SORCS1: variants seen among roughly 807,000 people sequenced by gnomAD.
The protein encoded by SORCS1 is sortilin related VPS10 domain containing receptor 1.
SORCS1 carries 60 observed loss-of-function variants against 146.1 expected under a neutral mutation model. The observed-to-expected ratio is 0.41, with a 90% confidence interval of 0.33 to 0.51. The LOEUF is 0.51. Among genes scored for constraint, SORCS1 ranks in the 20% least tolerant of loss-of-function variants. The probability of loss-of-function intolerance (pLI) is 0.21; values close to 1 mark genes in which losing one functional copy is unlikely to be tolerated. For synonymous variants in SORCS1, 637 were observed against 584.0 expected, an observed-to-expected ratio of 1.09 and a Z score of -1.31; for missense variants, 1,352 against 1,487.6, an observed-to-expected ratio of 0.91 and a Z score of 1.50.
At chr10:106,952,389 A>G (rs1954727179) in intron 2 of SORCS1, among the ~76,000 whole-genome samples, 1 of 151,734 alleles carries the variant, frequency 6.6e-6, no homozygotes, top group Admixed American at 6.6e-5. Flanking sequence ...TCAGAACCAT[A>G]AGGCTTTCTC....
chr10:107,173,058 C>A, the SORCS1 span, among the ~76,000 whole-genome samples: 7 of 152,238 alleles, frequency 4.6e-5, no homozygotes, highest in East Asian at 1.3e-3. Flanking sequence ...AGATAGAAAT[C>A]TTTCTCAGCA....
In SORCS1 at chr10:106,874,921, G is replaced by T. The variant is rs117754664; in HGVS notation, c.627-45248C>A. Among the ~76,000 whole-genome samples, 43 of 152,210 alleles carry T rather than the reference G, an allele frequency of 2.8e-4. No individual in the cohort carries two copies. The East Asian group carries it at 8.1e-3, about 29-fold the overall frequency. On this transcript the variant is annotated intron_variant, in intron 2 of 25. Transcript: ENST00000263054. Reference sequence around the variant, plus strand: ...CATATCATGAACTGACAACATTTTTGTGTTTTTTCTGCTTGTTTTGCTTTG... The same window carrying T: ...CATATCATGAACTGACAACATTTTTTTGTTTTTTCTGCTTGTTTTGCTTTG...
chr10:106,811,186 C>G (rs946589902), intron 3 of SORCS1, among the ~76,000 whole-genome samples: 4 of 152,132 alleles, frequency 2.6e-5, no homozygotes, highest in African/African-American at 9.7e-5. Context: ...GATCCACCCA[C>G]CTCGGCCTCC....
chr10:106,805,729 T>A (rs1005093351), intron 3 of SORCS1, among the ~76,000 whole-genome samples: 3 of 152,040 alleles, frequency 2.0e-5, no homozygotes, highest in African/African-American at 7.2e-5. Flanking sequence ...TCTGGATATA[T>A]ACATATAAAT....
chr10:107,017,691 T>C (rs1386879012), intron 1 of SORCS1, among the ~76,000 whole-genome samples: 1 of 152,244 alleles, frequency 6.6e-6, no homozygotes, highest in African/African-American at 2.4e-5. Flanking sequence ...CGTCTCACTC[T>C]GTCACCCAGG....
intron 1 of SORCS1, among the ~76,000 whole-genome samples, chr10:107,151,973 C>G (rs1968836397): frequency 6.6e-6 from 1 of 152,142 alleles, no homozygotes; most frequent in African/African-American, 2.4e-5. Context: ...GCCCTTCCAT[C>G]ACAGACCCAG....
chr10:106,726,795 G>A (rs903208811), intron 6 of SORCS1, among the ~76,000 whole-genome samples: 3 of 152,144 alleles, frequency 2.0e-5, no homozygotes, highest in Non-Finnish European at 4.4e-5. Context: ...TGTTAGAAAT[G>A]CAGACTCTCG....
chr10:106,817,246 G>C (rs1162998756), intron 3 of SORCS1, among the ~76,000 whole-genome samples: 2 of 152,154 alleles, frequency 1.3e-5, no homozygotes, highest in Non-Finnish European at 2.9e-5. Flanking sequence ...TTTGAGTCAA[G>C]TTGGATGGGT....
the SORCS1 span, among the ~76,000 whole-genome samples, chr10:107,174,291 C>T: frequency 6.6e-6 from 1 of 152,104 alleles, no homozygotes; most frequent in African/African-American, 2.4e-5. Context: ...CTGCAAGCTT[C>T]GCCTCCCGGG....
rs138867207 is a variant in SORCS1 at position 107,115,665 on chromosome 10, A to T, written c.558+48304T>A. On this transcript the variant is annotated intron_variant, in intron 1 of 25. Coordinates refer to ENST00000263054, the MANE Select transcript of SORCS1 (RefSeq NM_052918.5). The stretch of plus-strand genomic sequence containing the variant: ...AACTCATAGAAGAAAACATAGTTTA[A>T]AAGCTCCCTGACATTGGCTTTGGCA... 2.0e-5 allele frequency among the ~76,000 whole-genome samples: 3 copies of T among 152,260 alleles called. No individual in the cohort carries two copies. The East Asian group carries it at 5.8e-4, about 29-fold the overall frequency.
chr10:106,880,349 T>C (rs1483285249), intron 2 of SORCS1, among the ~76,000 whole-genome samples: 1 of 152,246 alleles, frequency 6.6e-6, no homozygotes, highest in Non-Finnish European at 1.5e-5. Context: ...TCATCTTTTT[T>C]GTGTTAAAAG....
intron 19 of SORCS1, among the ~76,000 whole-genome samples, chr10:106,625,696 A>G (rs1848062045): frequency 6.6e-6 from 1 of 152,224 alleles, no homozygotes; most frequent in Non-Finnish European, 1.5e-5. Flanking sequence ...TCATCTGCAC[A>G]TGGCTCCTAT....
chr10:106,665,627 T>C (rs1009233974), intron 17 of SORCS1, among the ~76,000 whole-genome samples: 1 of 152,154 alleles, frequency 6.6e-6, no homozygotes, highest in Non-Finnish European at 1.5e-5. Flanking sequence ...TCAATACTTA[T>C]CTGCTTTTTA....
chr10:106,760,544 G>A (rs997796290), intron 5 of SORCS1, among the ~76,000 whole-genome samples: 8 of 151,668 alleles, frequency 5.3e-5, no homozygotes, highest in Admixed American at 5.3e-4. Flanking sequence ...GCCAGAAAGG[G>A]AGTCGTTAGC....
chr10:106,578,762 G>T (rs1410283256), intron 25 of SORCS1: 2 of 1,132,850 alleles, frequency 1.8e-6, no homozygotes, highest in Non-Finnish European at 2.2e-6. Flanking sequence ...AGCCTCTGAG[G>T]CCTCTCCTTC....
Position 107,164,380 on chromosome 10 carries a change from C to T in SORCS1, c.147G>A (p.Ser49=). 1 of 1,465,020 alleles carries T rather than the reference C, an allele frequency of 6.8e-7. No homozygotes were observed. The highest frequency in any genetic ancestry group is 9.0e-7 in the Non-Finnish European group (1 of 1,112,356). The allele number at this position is 1,465,020 out of a possible 1,614,324, so 90.8% of individuals were successfully genotyped here. ...GGGAAAAGCCCCTAGGGGTCGAGGC[C>T]GAGCGTGGAGCGGAGCTGGGGTGCG... ...PSPHPSSAPR[S]ASTPRGFSHQ... Residue 49 remains serine, a synonymous_variant, in exon 1 of 26, where the codon TCG becomes TCA. Coordinates refer to ENST00000263054, the MANE Select transcript of SORCS1 (RefSeq NM_052918.5). The surrounding 1 kb of genome is among the most constrained non-coding windows in gnomAD (Gnocchi z 6.8).
chr10:106,598,336 A>AC (rs1846034532), intron 23 of SORCS1, among the ~76,000 whole-genome samples: 1 of 151,284 alleles, frequency 6.6e-6, no homozygotes, highest in African/African-American at 2.4e-5. Context: ...ATCTCAGCTC[A>AC]CCGCAACCTC....
chr10:107,058,228 A>T (rs944552832), intron 1 of SORCS1, among the ~76,000 whole-genome samples: 1 of 151,758 alleles, frequency 6.6e-6, no homozygotes, highest in Non-Finnish European at 1.5e-5. Flanking sequence ...TTTTTAGTAG[A>T]GATGGGGTTT....
At chr10:107,104,368 T>C (rs188190081) in intron 1 of SORCS1, among the ~76,000 whole-genome samples, 9 of 152,306 alleles carry the variant, frequency 5.9e-5, no homozygotes, top group Admixed American at 5.9e-4. Context: ...AAAAGAAGTC[T>C]GGAAATTGAA....
Sources: gnomAD v4.1 joint callset for allele counts (sites outside exome capture counted in the v4.1 genomes callset) on GRCh38, gnomAD v4.1.1 for gene constraint, Gnocchi (gnomAD v3.1) non-coding constraint, MANE v1.5 for transcripts, NCBI Gene and HGNC (gene_info 2026-07-23, HGNC 2026-07-21) for gene names.